Variants in ARHGEF12 observed in about 807,000 individuals in gnomAD.
ARHGEF12 encodes KMT2A/ARHGEF12 fusion protein.
A neutral mutation model predicts 211.2 loss-of-function variants in ARHGEF12; 66 were observed. The ratio of observed to expected loss-of-function variants is 0.31; its 90% CI spans 0.26 to 0.38. ARHGEF12 has a LOEUF of 0.38. Ranked by LOEUF, ARHGEF12 falls within the 10% of genes least tolerant of loss-of-function variation. The pLI, the probability that ARHGEF12 is intolerant of heterozygous loss-of-function variation, is 1.00. For missense variants in ARHGEF12, 1,429 were observed against 1,869.5 expected, an observed-to-expected ratio of 0.76 and a Z score of 4.34; for synonymous variants, 592 against 638.4, an observed-to-expected ratio of 0.93 and a Z score of 1.09.
chr11:120,478,738 A>C (rs529232340), intron 37 of ARHGEF12, among the ~76,000 whole-genome samples: 43 of 152,338 alleles, frequency 2.8e-4, no homozygotes, highest in African/African-American at 1.0e-3. Context: ...AATCTGGCTG[A>C]AAGCGGTGGA....
At chr11:120,340,319 A>G (rs1044499554) in intron 1 of ARHGEF12, among the ~76,000 whole-genome samples, 2 of 152,178 alleles carry the variant, frequency 1.3e-5, no homozygotes, top group Admixed American at 6.5e-5. Flanking sequence ...ATAACATTGA[A>G]TTTTCAGGGA....
intron 40 of ARHGEF12, 62 bp from the exon 41 acceptor site, chr11:120,485,005 C>A (rs1947362692): frequency 6.4e-7 from 1 of 1,550,886 alleles, no homozygotes; most frequent in Non-Finnish European, 8.9e-7. Flanking sequence ...CATGGGTATT[C>A]TTTGCAATGT....
rs1476939796 is a variant in ARHGEF12 at position 120,486,563 on chromosome 11, A to G, written c.*1486A>G. On this transcript the variant is annotated 3_prime_UTR_variant, in exon 41 of 41. Transcript: ENST00000397843. ...GGTTTTCCTTGTGCATTAGGTATAT[A>G]TTTTTTGAAGTATTTTTGCCAACTA... The G allele has an allele frequency of 1.3e-5, 3 of 226,786 alleles. No homozygotes were observed. The highest frequency in any genetic ancestry group is 1.1e-4 in the Admixed American group (2 of 17,568). 14.0% of individuals were successfully genotyped at this position (226,786 alleles called of 1,614,324 possible).
chr11:120,359,817 G>T (rs1943231802), intron 1 of ARHGEF12, among the ~76,000 whole-genome samples: 2 of 152,180 alleles, frequency 1.3e-5, no homozygotes, highest in Admixed American at 6.5e-5. Flanking sequence ...AGTAGAACAG[G>T]CAGGGGAGTA....
At chr11:120,430,511 A>G (rs1945492753) in intron 10 of ARHGEF12, among the ~76,000 whole-genome samples, 1 of 152,116 alleles carries the variant, frequency 6.6e-6, no homozygotes, top group African/African-American at 2.4e-5. Context: ...TCTCATAAGA[A>G]AAAAAAAGCT....
chr11:120,467,627 G>A (rs1018587721), intron 29 of ARHGEF12, among the ~76,000 whole-genome samples: 1 of 73,866 alleles, frequency 1.4e-5, no homozygotes, highest in African/African-American at 6.2e-5. Context: ...TTTTTTTTTA[G>A]CAAGGGTCTC....
chr11:120,476,764 G>A lies in ARHGEF12; in HGVS notation c.3365+16G>A. 6.4e-7 allele frequency: 1 copy of A among 1,566,004 alleles called. No individual in the cohort carries two copies. Among genetic ancestry groups the A allele is most frequent in the Non-Finnish European group, 8.7e-7 (1 of 1,143,240 alleles). On this transcript the variant is annotated intron_variant, in intron 34 of 40. Transcript: ENST00000397843. The stretch of plus-strand genomic sequence containing the variant: ...AAAAGACTGTGTATGTATCAGATAT[G>A]GCTACCTTGCTATAGCTAATATTTT...
chr11:120,345,597 G>A (rs1397187685), intron 1 of ARHGEF12, among the ~76,000 whole-genome samples: 1 of 151,682 alleles, frequency 6.6e-6, no homozygotes, highest in Non-Finnish European at 1.5e-5. Flanking sequence ...CAGCTGCTGG[G>A]GAGGCTGAGG....
rs759601862 is a variant in ARHGEF12, at chr11:120,473,047, C to T, written c.2956-3C>T. The T allele has an allele frequency of 6.2e-6, 10 of 1,613,474 alleles. No individual in the cohort carries two copies. The highest frequency in any genetic ancestry group is 8.5e-6 in the Non-Finnish European group (10 of 1,179,606). Reference sequence around the variant, plus strand: ...CCTTGGTTCCACCCTGCCTAATTTTCAGCGCCTAGAAGATTATCAGCGTCG... The same window carrying T: ...CCTTGGTTCCACCCTGCCTAATTTTTAGCGCCTAGAAGATTATCAGCGTCG... On this transcript the variant is annotated splice_polypyrimidine_tract_variant and splice_region_variant and intron_variant, in intron 30 of 40. Transcript: ENST00000397843.
intron 1 of ARHGEF12, among the ~76,000 whole-genome samples, chr11:120,361,148 C>T (rs1286142333): frequency 6.6e-6 from 1 of 152,196 alleles, no homozygotes; most frequent in East Asian, 1.9e-4. Flanking sequence ...TTCCAAGAAG[C>T]CATCTAAAGT....
rs1033842252 is a variant in ARHGEF12 at position 120,459,339 on chromosome 11, G to T, written c.2527+19G>T. The T allele has an allele frequency of 5.0e-6, 8 of 1,605,512 alleles. No homozygotes were observed. Among genetic ancestry groups the T allele is most frequent in the Non-Finnish European group, 6.8e-6 (8 of 1,175,966 alleles). ...CTTCATAGTAAGAGAAATTAGCTCT[G>T]ATCTTTGCCCCTAACATTTCCAATA... On this transcript the variant is annotated intron_variant, in intron 26 of 40. Coordinates refer to ENST00000397843, the MANE Select transcript of ARHGEF12 (RefSeq NM_015313.3).
rs12421291 is a variant in ARHGEF12 at position 120,457,675 on chromosome 11, A to T, written c.2190-46A>T. The T allele has an allele frequency of 0.012, 17,271 of 1,491,078 alleles. 1,081 individuals are homozygous for T. In the South Asian group the frequency reaches 0.14, roughly 13 times the overall value. The allele number at this position is 1,491,078 out of a possible 1,614,324, so 92.4% of individuals were successfully genotyped here. ...GAGTATCTTTGGTATAAATGTATTG[A>T]TCACCATTTTGTTTTCATGTTACTC... On this transcript the variant is annotated intron_variant, in intron 23 of 40. Transcript: ENST00000397843.
Position 120,487,533 on chromosome 11 carries a change from C to T in ARHGEF12, c.*2456C>T, listed in dbSNP as rs1947428421. 2 of 214,246 alleles carry T rather than the reference C, an allele frequency of 9.3e-6. No individual in the cohort carries two copies. The highest frequency in any genetic ancestry group is 1.9e-5 in the Non-Finnish European group (2 of 106,178). 13.3% of individuals were successfully genotyped at this position (214,246 alleles called of 1,614,324 possible). ...ATCCGTTTGACTTTGGTTGTGACATCTTCCTTTCAGGATGATGGAATTAGA... is the reference window on the plus strand; with the variant it reads ...ATCCGTTTGACTTTGGTTGTGACATTTTCCTTTCAGGATGATGGAATTAGA... On this transcript the variant is annotated 3_prime_UTR_variant, in exon 41 of 41. Coordinates refer to ENST00000397843, the MANE Select transcript of ARHGEF12 (RefSeq NM_015313.3).
chr11:120,409,367 C>T (rs780452239), intron 3 of ARHGEF12, 27 bp from the exon 4 acceptor site: 11 of 1,611,116 alleles, frequency 6.8e-6, no homozygotes, highest in Non-Finnish European at 9.3e-6. Flanking sequence ...TTCTATATCT[C>T]TCTCCTTTTC....
At chr11:120,482,752 A>G (rs1947287010) in intron 39 of ARHGEF12, among the ~76,000 whole-genome samples, 1 of 152,102 alleles carries the variant, frequency 6.6e-6, no homozygotes, top group South Asian at 2.1e-4. Context: ...CTCAAAAAAA[A>G]AAAAAAAAGT....
intron 1 of ARHGEF12, among the ~76,000 whole-genome samples, chr11:120,377,550 C>T (rs995591688): frequency 6.6e-6 from 1 of 152,062 alleles, no homozygotes; most frequent in African/African-American, 2.4e-5. Flanking sequence ...TCTGTGTTGC[C>T]CAGGCTGGCC....
chr11:120,337,292 C>T lies in ARHGEF12; in HGVS notation c.32+17C>T, dbSNP rs1371785205. On this transcript the variant is annotated intron_variant, in intron 1 of 40. Coordinates refer to ENST00000397843, the MANE Select transcript of ARHGEF12 (RefSeq NM_015313.3). ...CACCGACAGGTTGGTATGAATTCCT[C>T]CTTCGTTCGGCCTCCCGGAATCGGG... 1.9e-6 allele frequency: 3 copies of T among 1,613,934 alleles called. No homozygotes were observed. The highest frequency in any genetic ancestry group is 2.5e-6 in the Non-Finnish European group (3 of 1,179,988).
At chr11:120,481,612 TA>T in intron 39 of ARHGEF12, 36 bp downstream of exon 39, 4 of 1,589,022 alleles carry the variant, frequency 2.5e-6, no homozygotes, top group Non-Finnish European at 3.4e-6. Context: ...GACTTGGTTG[TA>T]AGAAACATTT....
rs558843895 is a variant in ARHGEF12, at chr11:120,376,643, A to G, written c.33-29475A>G. Among the ~76,000 whole-genome samples the G allele has an allele frequency of 1.2e-4, 19 of 152,250 alleles. No homozygotes were observed. In the South Asian group the frequency reaches 3.9e-3, roughly 32 times the overall value. On this transcript the variant is annotated intron_variant, in intron 1 of 40. Transcript: ENST00000397843. ...TACCTCAAGCATTTATTCTTTCTTT[A>G]TGTTACAAACATTCCAATTATACTC...
Sources: allele counts gnomAD v4.1 joint callset (sites outside exome capture counted in the v4.1 genomes callset), GRCh38; gene constraint gnomAD v4.1.1; transcripts MANE v1.5; gene names NCBI Gene and HGNC (gene_info 2026-07-23, HGNC 2026-07-21).